The following SAP130 variants were observed in gnomAD, a reference collection of about 807,000 sequenced individuals.
SAP130 encodes Sin3A associated protein 130.
Under a neutral mutation model 103.2 loss-of-function variants are expected in SAP130, and 16 were observed. The ratio of observed to expected loss-of-function variants is 0.16; its 90% CI spans 0.10 to 0.24. The LOEUF is 0.24. Ranked by LOEUF, SAP130 falls within the 10% of genes least tolerant of loss-of-function variation. SAP130 has a pLI of 1.00. For synonymous variants in SAP130, 477 were observed against 497.0 expected, an observed-to-expected ratio of 0.96 and a Z score of 0.53; for missense variants, 990 against 1,359.7, an observed-to-expected ratio of 0.73 and a Z score of 4.28.
At chr2:128,001,534 T>A (rs187543985) in intron 7 of SAP130, among the ~76,000 whole-genome samples, 24 of 152,370 alleles carry the variant, frequency 1.6e-4, no homozygotes, top group African/African-American at 5.8e-4. Flanking sequence ...TTGTGTCAGA[T>A]GGACAAATGA....
chr2:128,027,531 C>A (rs1265705681), intron 1 of SAP130, among the ~76,000 whole-genome samples: 1 of 152,048 alleles, frequency 6.6e-6, no homozygotes, highest in Non-Finnish European at 1.5e-5. Context: ...CGGGGAGGCC[C>A]CGCCTCAGCC....
rs760157721 is a variant in SAP130 at position 127,996,000 on chromosome 2, A to G, written c.1355+350T>C. On this transcript the variant is annotated intron_variant, in intron 11 of 20. Coordinates refer to ENST00000643581, the MANE Select transcript of SAP130 (RefSeq NM_001330301.2). ...GGGAGAGCTCGGAATCCTTTCAGAT[A>G]GCTGTACCGCGGTGACATCAAAGAA... 1.8e-4 allele frequency among the ~76,000 whole-genome samples: 27 copies of G among 152,320 alleles called. No individual in the cohort carries two copies. The Middle Eastern group carries it at 0.01, about 58-fold the overall frequency.
intron 7 of SAP130, among the ~76,000 whole-genome samples, chr2:128,008,002 G>C (rs1237616470): frequency 6.6e-6 from 1 of 152,094 alleles, no homozygotes; most frequent in East Asian, 1.9e-4. Context: ...CATTTACTCG[G>C]ACAAGTAAGG....
intron 7 of SAP130, among the ~76,000 whole-genome samples, chr2:128,001,461 T>C (rs1044396841): frequency 1.3e-5 from 2 of 152,222 alleles, no homozygotes; most frequent in Non-Finnish European, 2.9e-5. Flanking sequence ...CAAAAAGAAC[T>C]GTGAAGTTAG....
At chr2:127,987,056 G>T in intron 13 of SAP130, 94 bp from the exon 14 acceptor site, 1 of 1,115,874 alleles carries the variant, frequency 9.0e-7, no homozygotes, top group Non-Finnish European at 1.3e-6. Context: ...ACTAGAATTA[G>T]GTATCCATGT....
At position 128,017,549 on chromosome 2, in the gene SAP130, T is replaced by C. The variant is rs537010663; in HGVS notation, c.348+131A>G. 1.9e-4 allele frequency: 142 copies of C among 763,546 alleles called. 7 individuals carry two copies. In the South Asian group the frequency reaches 2.4e-3, roughly 13 times the overall value. 47.3% of individuals were successfully genotyped at this position (763,546 alleles called of 1,614,324 possible). On this transcript the variant is annotated intron_variant, in intron 3 of 20. Coordinates refer to ENST00000643581, the MANE Select transcript of SAP130 (RefSeq NM_001330301.2). Reference sequence around the variant, plus strand: ...TCAGGGCTGAGTTACAGAAAGGAGCTGAACTCATATGTCATAAAGAAAAAA... The same window carrying C: ...TCAGGGCTGAGTTACAGAAAGGAGCCGAACTCATATGTCATAAAGAAAAAA...
chr2:127,979,704 T>C (rs1386619946), intron 14 of SAP130, among the ~76,000 whole-genome samples: 2 of 152,138 alleles, frequency 1.3e-5, no homozygotes, highest in African/African-American at 2.4e-5. Flanking sequence ...TATCTCTCCA[T>C]AGGAACATGC....
intron 18 of SAP130, among the ~76,000 whole-genome samples, chr2:127,949,604 CAT>C (rs1679353145): frequency 6.6e-6 from 1 of 152,168 alleles, no homozygotes; most frequent in Admixed American, 6.5e-5. Context: ...GAGCTGTTAA[CAT>C]GTGGGTTTTA....
intron 10 of SAP130, among the ~76,000 whole-genome samples, chr2:127,998,911 G>A (rs1434645040): frequency 3.3e-5 from 5 of 152,254 alleles, no homozygotes; most frequent in African/African-American, 2.4e-5. Context: ...CAGGAGAGCT[G>A]ATGACGCAGG....
At chr2:128,004,349 T>C (rs943515272) in intron 7 of SAP130, among the ~76,000 whole-genome samples, 1 of 146,440 alleles carries the variant, frequency 6.8e-6, no homozygotes, top group Non-Finnish European at 1.5e-5. Context: ...GAAAGGAGGA[T>C]TGCTTTCTTT....
At chr2:127,990,150 G>C (rs1682688505) in intron 12 of SAP130, among the ~76,000 whole-genome samples, 1 of 152,088 alleles carries the variant, frequency 6.6e-6, no homozygotes, top group African/African-American at 2.4e-5. Context: ...ATATTAGCCA[G>C]GAAACCATGC....
chr2:127,978,205 C>T, intron 14 of SAP130, 116 bp from the exon 15 acceptor site: 2 of 690,798 alleles, frequency 2.9e-6, no homozygotes, highest in Non-Finnish European at 5.0e-6. Context: ...CCTACATTGA[C>T]TAAGTATTTT....
At chr2:128,025,264 G>T (rs1179386829) in intron 2 of SAP130, among the ~76,000 whole-genome samples, 1 of 152,210 alleles carries the variant, frequency 6.6e-6, no homozygotes, top group Admixed American at 6.5e-5. Context: ...ATGTTAAGCA[G>T]TATCCCTGGC....
intron 14 of SAP130, among the ~76,000 whole-genome samples, chr2:127,978,755 A>C (rs1380731419): frequency 6.6e-6 from 1 of 152,224 alleles, no homozygotes; most frequent in South Asian, 2.1e-4. Flanking sequence ...CTAACATCTC[A>C]AAAAGGGTGA....
chr2:127,945,718 T>C (rs1424376827), intron 18 of SAP130, among the ~76,000 whole-genome samples, 159 bp from the exon 19 acceptor site: 3 of 152,096 alleles, frequency 2.0e-5, no homozygotes, highest in Non-Finnish European at 4.4e-5. Context: ...AGTGGTACAA[T>C]CTCAGGTCAC....
At chr2:127,975,441 A>C (rs1441192968) in intron 15 of SAP130, among the ~76,000 whole-genome samples, 1 of 152,228 alleles carries the variant, frequency 6.6e-6, no homozygotes, top group Non-Finnish European at 1.5e-5. Context: ...ATATTGAAAA[A>C]GTCTAGTGAA....
chr2:128,027,522 G>A (rs1231910007), intron 1 of SAP130, among the ~76,000 whole-genome samples: 1 of 151,892 alleles, frequency 6.6e-6, no homozygotes, highest in African/African-American at 2.4e-5. Flanking sequence ...GGCGGGGAGC[G>A]GGGAGGCCCC....
chr2:128,027,225 C>A lies in SAP130; in HGVS notation c.-7+715G>T, dbSNP rs1246694867. 3.3e-6 allele frequency: 4 copies of A among 1,202,132 alleles called. No homozygotes were observed. In the East Asian group the frequency reaches 1.1e-4, roughly 32 times the overall value. The allele number at this position is 1,202,132 out of a possible 1,614,324, so 74.5% of individuals were successfully genotyped here. ...GGATCGCGGCGGCGGCGCCCGGGGCCCGCTGCTGTCCAGCCCCGCTGGCCC... is the reference window on the plus strand; with the variant it reads ...GGATCGCGGCGGCGGCGCCCGGGGCACGCTGCTGTCCAGCCCCGCTGGCCC... On this transcript the variant is annotated intron_variant, in intron 1 of 20. Coordinates refer to ENST00000643581, the MANE Select transcript of SAP130 (RefSeq NM_001330301.2).
At chr2:127,979,819 CTG>C (rs1681732330) in intron 14 of SAP130, among the ~76,000 whole-genome samples, 1 of 151,478 alleles carries the variant, frequency 6.6e-6, no homozygotes, top group Non-Finnish European at 1.5e-5. Flanking sequence ...TAGCCAAGAG[CTG>C]ATAAGCTGAG....
Sources: allele counts gnomAD v4.1 joint callset (sites outside exome capture counted in the v4.1 genomes callset), GRCh38; gene constraint gnomAD v4.1.1; transcripts MANE v1.5; gene names NCBI Gene and HGNC (gene_info 2026-07-23, HGNC 2026-07-21).